The following RHOH variants were observed in gnomAD, a reference collection of about 807,000 sequenced individuals.
The protein encoded by RHOH is rho-related GTP-binding protein RhoH.
Under a neutral mutation model 13.8 loss-of-function variants are expected in RHOH, and 6 were observed. The observed-to-expected ratio is 0.44, with a 90% CI of 0.24 to 0.86. The LOEUF (loss-of-function observed/expected upper bound fraction) is 0.86, where lower values mean the gene tolerates loss of function less well. Among genes scored for constraint, RHOH ranks in the 40% least tolerant of loss-of-function variants. The pLI, the probability that RHOH is intolerant of heterozygous loss-of-function variation, is 0.24. For synonymous variants in RHOH, 117 were observed against 103.0 expected (o/e 1.14, Z -0.82); for missense variants, 147 against 244.5 (o/e 0.60, Z 2.66).
intron 1 of RHOH, among the ~76,000 whole-genome samples, chr4:40,225,152 C>T (rs960943677): frequency 1.3e-5 from 2 of 152,156 alleles, no homozygotes; most frequent in African/African-American, 2.4e-5. Context: ...CTCACTTTGT[C>T]ACCTAGGCTG....
chr4:40,235,623 A>G (rs1476429428), intron 1 of RHOH, among the ~76,000 whole-genome samples: 1 of 151,060 alleles, frequency 6.6e-6, no homozygotes, highest in African/African-American at 2.4e-5. Flanking sequence ...AAAGAAAAAA[A>G]AAAAGCAAGA....
chr4:40,201,357 GA>G (rs1191022757), intron 1 of RHOH, among the ~76,000 whole-genome samples: 1 of 148,704 alleles, frequency 6.7e-6, no homozygotes, highest in Non-Finnish European at 1.5e-5. Context: ...AATTTTCAAT[GA>G]TTTCAATGAA....
chr4:40,205,411 G>A (rs1476892511), intron 1 of RHOH, among the ~76,000 whole-genome samples: 2 of 152,182 alleles, frequency 1.3e-5, no homozygotes, highest in Non-Finnish European at 1.5e-5. Flanking sequence ...AGCATTAGCC[G>A]GTGGGTAAAG....
chr4:40,232,036 T>C (rs1349838553), intron 1 of RHOH, among the ~76,000 whole-genome samples: 1 of 152,242 alleles, frequency 6.6e-6, no homozygotes, highest in East Asian at 1.9e-4. Context: ...AGCACCTTTT[T>C]CCCTTTGTTG....
intron 1 of RHOH, among the ~76,000 whole-genome samples, chr4:40,237,422 A>G (rs1487304835): frequency 6.6e-6 from 1 of 151,962 alleles, no homozygotes; most frequent in East Asian, 1.9e-4. Context: ...GCCACTGCAT[A>G]CAAGCCTGGG....
chr4:40,193,515 A>AGAGAGAGAGGGGAGGG (rs1722834428), upstream of RHOH: 2 of 46,912 alleles, frequency 4.3e-5, no homozygotes, highest in African/African-American at 1.6e-4. Flanking sequence ...AGAGGAGAGG[A>AGAGAGAGAGGGGAGGG]GGGGCGGGGT....
At chr4:40,239,766 T>C (rs1209039316) in intron 1 of RHOH, among the ~76,000 whole-genome samples, 2 of 152,006 alleles carry the variant, frequency 1.3e-5, no homozygotes, top group Non-Finnish European at 2.9e-5. Context: ...TAATCCCAGC[T>C]ACTCGGGAGG....
At chr4:40,196,749 C>T (rs1996555), upstream of RHOH, among the ~76,000 whole-genome samples, 19,097 of 131,244 alleles carry the variant, frequency 0.15, 1,387 homozygotes, top group South Asian at 0.3. Context: ...TTGGACTCTT[C>T]AGTCTTCCTT....
rs1245399250 is a variant in RHOH, at chr4:40,246,437, A to G, written c.*2475A>G. ...ACCTGGGCAAAGACACACAGGTGAG[A>G]CCTCCACCTGTTGGCGGGAGCCAAG... On this transcript the variant is annotated 3_prime_UTR_variant, in exon 3 of 3. Coordinates refer to ENST00000381799, the MANE Select transcript of RHOH (RefSeq NM_004310.5). 1 of 115,078 alleles carries G rather than the reference A, an allele frequency of 8.7e-6. No homozygotes were observed. The highest frequency in any genetic ancestry group is 2.2e-5 in the Non-Finnish European group (1 of 45,336). The allele number at this position is 115,078 out of a possible 1,614,324, so 7.1% of individuals were successfully genotyped here. A position where few individuals can be genotyped will look rare whatever the true frequency, so the allele number is the denominator to read the frequency against.
chr4:40,224,167 C>T (rs986118375), intron 1 of RHOH, among the ~76,000 whole-genome samples: 3 of 152,154 alleles, frequency 2.0e-5, no homozygotes, highest in African/African-American at 4.8e-5. Context: ...ACTGAACCCG[C>T]GATATCTGTA....
At chr4:40,229,396 A>G (rs143013784) in intron 1 of RHOH, among the ~76,000 whole-genome samples, 5,661 of 152,106 alleles carry the variant, frequency 0.037, 137 homozygotes, top group Middle Eastern at 0.051. Context: ...AACACTTTGG[A>G]AGGCTGAGGA....
chr4:40,192,044 T>C (rs1722728294), upstream of RHOH, among the ~76,000 whole-genome samples: 1 of 152,144 alleles, frequency 6.6e-6, no homozygotes, highest in Admixed American at 6.5e-5. Flanking sequence ...TAAAAAGTAT[T>C]TTATATGAAT....
chr4:40,212,605 G>A (rs1300324209), intron 1 of RHOH: 4 of 152,128 alleles, frequency 2.6e-5, no homozygotes, highest in African/African-American at 9.7e-5. Context: ...GGAAAGAATG[G>A]GACTGGATGC....
chr4:40,195,774 G>A (rs1047964818), upstream of RHOH, among the ~76,000 whole-genome samples: 1 of 152,208 alleles, frequency 6.6e-6, no homozygotes, highest in African/African-American at 2.4e-5. Context: ...TTTTCTAGGA[G>A]ATAATGTGCT....
At chr4:40,205,991 A>C (rs1724596983) in intron 1 of RHOH, among the ~76,000 whole-genome samples, 1 of 152,212 alleles carries the variant, frequency 6.6e-6, no homozygotes, top group Non-Finnish European at 1.5e-5. Flanking sequence ...ATTTCTTGTA[A>C]GTTTCAATAT....
intron 1 of RHOH, among the ~76,000 whole-genome samples, chr4:40,238,244 G>A (rs369104600): frequency 6.6e-6 from 1 of 152,092 alleles, no homozygotes; most frequent in South Asian, 2.1e-4. Context: ...GGGAGCACTG[G>A]TGGTCAAGGA....
chr4:40,233,929 T>TA (rs1728249653), intron 1 of RHOH, among the ~76,000 whole-genome samples: 1 of 23,758 alleles, frequency 4.2e-5, no homozygotes. Flanking sequence ...CCCTCTCAAA[T>TA]AAAATAAAAT....
chr4:40,217,444 A>C (rs1726019545), intron 1 of RHOH, among the ~76,000 whole-genome samples: 1 of 152,224 alleles, frequency 6.6e-6, no homozygotes, highest in African/African-American at 2.4e-5. Context: ...AGCACACACA[A>C]AAAATTTGTA....
Position 40,245,563 on chromosome 4 carries a change from AAAAG to A in RHOH, c.*1609_*1612del, listed in dbSNP as rs149636835. 0.1 allele frequency: 15,193 copies of A among 150,634 alleles called. 1,013 individuals are homozygous for A. Among genetic ancestry groups the A allele is most frequent in the Admixed American group, 0.2 (2,952 of 14,846 alleles). The allele number at this position is 150,634 out of a possible 1,614,324, so 9.3% of individuals were successfully genotyped here. A position where few individuals can be genotyped will look rare whatever the true frequency, so the allele number is the denominator to read the frequency against. ...CAAAAAAAAAAAAAAGAAAAGAAAA[AAAAG>A]AAAGAAATTGCAAAGGCTGGCACCT... On this transcript the variant is annotated 3_prime_UTR_variant, in exon 3 of 3. Transcript: ENST00000381799.
Sources: gnomAD v4.1 joint callset for allele counts (sites outside exome capture counted in the v4.1 genomes callset) on GRCh38, gnomAD v4.1.1 for gene constraint, MANE v1.5 for transcripts, NCBI Gene and HGNC (gene_info 2026-07-23, HGNC 2026-07-21) for gene names.